The following DDX60L variants were observed in gnomAD, a reference collection of about 807,000 sequenced individuals.
DDX60L encodes the protein DExD/H-box 60 like.
DDX60L carries 191 observed loss-of-function variants against 211.6 expected under a neutral mutation model. The observed-to-expected ratio is 0.90, with a 90% CI of 0.80 to 1.02. The LOEUF is 1.02. Ranked by LOEUF, DDX60L falls within the 50% of genes least tolerant of loss-of-function variation. The pLI is 0.00. For missense variants in DDX60L, 2,007 were observed against 1,984.1 expected (o/e 1.01, Z -0.22); for synonymous variants, 706 against 694.1 (o/e 1.02, Z -0.27).
intron 29 of DDX60L, chr4:168,390,182 T>C (rs1994530): frequency 0.17 from 167,998 of 1,000,688 alleles, 14,964 homozygotes; most frequent in Middle Eastern, 0.19. Context: ...TCCACTCTCA[T>C]TGTGGTCCAT....
At chr4:168,440,862 C>A (rs1364692226) in intron 10 of DDX60L, among the ~76,000 whole-genome samples, 1 of 152,144 alleles carries the variant, frequency 6.6e-6, no homozygotes, top group Non-Finnish European at 1.5e-5. Context: ...CAGTTCACAG[C>A]AATAACTTTT....
At chr4:168,360,280 T>C (rs994328856) in intron 37 of DDX60L, among the ~76,000 whole-genome samples, 1 of 152,186 alleles carries the variant, frequency 6.6e-6, no homozygotes, top group Non-Finnish European at 1.5e-5. Flanking sequence ...CTGTTTAAAC[T>C]CTTGAGATAC....
At chr4:168,408,045 A>G (rs1748061607) in intron 22 of DDX60L, among the ~76,000 whole-genome samples, 1 of 152,216 alleles carries the variant, frequency 6.6e-6, no homozygotes, top group Non-Finnish European at 1.5e-5. Context: ...ATTATCTCAG[A>G]AGGTGAGGAT....
chr4:168,359,221 T>C (rs914417792), intron 37 of DDX60L, among the ~76,000 whole-genome samples: 7 of 152,228 alleles, frequency 4.6e-5, no homozygotes, highest in African/African-American at 1.7e-4. Context: ...GGCTGAATAT[T>C]AGGAATGATC....
In DDX60L at chr4:168,373,741, TCTTC is replaced by T; in HGVS notation, c.4697_4700del (p.Gly1566GlufsTer2). ...GACAAACAAATGGTGAAATGGCTACTCTTCCTTTCTTGCAGCTCATCAAGTGAGA... is the reference window on the plus strand; with the variant it reads ...GACAAACAAATGGTGAAATGGCTACTCTTTCTTGCAGCTCATCAAGTGAGA... On this transcript the variant is annotated frameshift_variant, in exon 35 of 38. Coordinates refer to ENST00000682922, the MANE Select transcript of DDX60L (RefSeq NM_001012967.3). LOFTEE classifies it high-confidence loss of function. The T allele has an allele frequency of 1.2e-6, 2 of 1,614,048 alleles. No individual in the cohort carries two copies. The highest frequency in any genetic ancestry group is 1.7e-6 in the Non-Finnish European group (2 of 1,179,912).
intron 17 of DDX60L, among the ~76,000 whole-genome samples, chr4:168,420,662 TAGATAGATAGATAGATAGATAGACAGAC>T (rs2149873493): frequency 7.3e-6 from 1 of 136,970 alleles, no homozygotes; most frequent in East Asian, 2.0e-4. Context: ...GATAGATAGA[TAGATAGATAGATAGATAGATAGACAGAC>T]AGACAGACAG....
Position 168,379,714 on chromosome 4 carries a change from G to T in DDX60L, c.4221+12C>A. ...TAGTTACAGAGAACAAAAAGCCAAA[G>T]CACGATGATACCTCTTTGATAAGGA... On this transcript the variant is annotated intron_variant, in intron 31 of 37. Transcript: ENST00000682922. 6.2e-7 allele frequency: 1 copy of T among 1,603,482 alleles called. No homozygotes were observed. Among genetic ancestry groups the T allele is most frequent in the Non-Finnish European group, 8.5e-7 (1 of 1,171,766 alleles).
At chr4:168,406,326 T>C (rs925778364) in intron 23 of DDX60L, among the ~76,000 whole-genome samples, 2 of 152,054 alleles carry the variant, frequency 1.3e-5, no homozygotes, top group Non-Finnish European at 1.5e-5. Context: ...GAGAAGAGAA[T>C]AGAGGAATAT....
intron 22 of DDX60L, among the ~76,000 whole-genome samples, chr4:168,412,545 C>T (rs547268361): frequency 1.3e-5 from 2 of 150,750 alleles, no homozygotes; most frequent in South Asian, 4.2e-4. Context: ...GATCCTGACT[C>T]CAAGCCCTGG....
At chr4:168,446,393 A>C (rs1381340344) in intron 9 of DDX60L, among the ~76,000 whole-genome samples, 1 of 152,228 alleles carries the variant, frequency 6.6e-6, no homozygotes, top group African/African-American at 2.4e-5. Flanking sequence ...ATACAAACAA[A>C]TGGAAGAACA....
rs1245173248 is a variant in DDX60L, at chr4:168,441,352, T to C, written c.1279A>G (p.Lys427Glu). The C allele has an allele frequency of 6.2e-7, 1 of 1,607,258 alleles. No individual in the cohort carries two copies. The highest frequency in any genetic ancestry group is 1.3e-5 in the African/African-American group (1 of 74,736). ...TTRRHFLRQEKSVIQEISLEK... is the reference protein window; with the variant it reads ...TTRRHFLRQEESVIQEISLEK... The stretch of plus-strand genomic sequence containing the variant: ...CATTTAGTACCTTGAATGACCGATT[T>C]CTCTTGTCTAAGAAAATGTCTTCTT... The change falls in exon 10 of 38, where the codon AAA becomes GAA. Residue 427 changes from lysine to glutamate, a missense_variant. Transcript: ENST00000682922.
chr4:168,448,622 C>G lies in DDX60L; in HGVS notation c.1138+16G>C. 1 of 1,492,268 alleles carries G rather than the reference C, an allele frequency of 6.7e-7. No homozygotes were observed. Among genetic ancestry groups the G allele is most frequent in the Non-Finnish European group, 9.1e-7 (1 of 1,095,734 alleles). The allele number at this position is 1,492,268 out of a possible 1,614,324, so 92.4% of individuals were successfully genotyped here. The stretch of plus-strand genomic sequence containing the variant: ...ATTTGTTCATGATATAATGTTAATG[C>G]ATATTCAGGTACTACCTTGAGTACT... On this transcript the variant is annotated intron_variant, in intron 9 of 37. Coordinates refer to ENST00000682922, the MANE Select transcript of DDX60L (RefSeq NM_001012967.3).
At position 168,405,975 on chromosome 4, in the gene DDX60L, C is replaced by G. The variant is rs1182298198; in HGVS notation, c.3188G>C (p.Trp1063Ser). Residue 1063 changes from tryptophan (W) to serine (S), a missense_variant, in exon 24 of 38, where the codon TGG becomes TCG. Trp to Ser is a radical substitution (Grantham distance 177). Coordinates refer to ENST00000682922, the MANE Select transcript of DDX60L (RefSeq NM_001012967.3). ...CTTCTTCACTTGGCCATTTTTAATCCAATTTGTCAATTCTGCCTTTAAGTT... is the reference window on the plus strand; with the variant it reads ...CTTCTTCACTTGGCCATTTTTAATCGAATTTGTCAATTCTGCCTTTAAGTT... ...EENLKAELTNWIKNGQVKKVK... is the reference protein window; with the variant it reads ...EENLKAELTNSIKNGQVKKVK... 1.3e-6 allele frequency: 2 copies of G among 1,583,940 alleles called. No homozygotes were observed.
At chr4:168,420,613 T>TAC (rs200084305) in intron 17 of DDX60L, among the ~76,000 whole-genome samples, 10,839 of 112,080 alleles carry the variant, frequency 0.097, 474 homozygotes, top group East Asian at 0.23. Flanking sequence ...CACACACACA[T>TAC]ACACACACAC....
chr4:168,416,979 C>T (rs142931405), intron 19 of DDX60L, among the ~76,000 whole-genome samples, 182 bp from the exon 20 acceptor site: 3 of 152,160 alleles, frequency 2.0e-5, no homozygotes, highest in Admixed American at 6.5e-5. Flanking sequence ...ATCTCCATAT[C>T]GAAACCATTA....
chr4:168,436,864 A>AAT (rs1753104484), intron 10 of DDX60L, among the ~76,000 whole-genome samples: 1 of 152,090 alleles, frequency 6.6e-6, no homozygotes, highest in African/African-American at 2.4e-5. Context: ...TGCCATTTTG[A>AAT]GCTCCTTGTA....
At chr4:168,457,581 A>G (rs1756762791) in intron 6 of DDX60L, among the ~76,000 whole-genome samples, 1 of 152,304 alleles carries the variant, frequency 6.6e-6, no homozygotes, top group Non-Finnish European at 1.5e-5. Context: ...ATGGCAAATG[A>G]TATCTTAGAG....
At chr4:168,442,273 C>T (rs1468169370) in intron 9 of DDX60L, among the ~76,000 whole-genome samples, 1 of 152,182 alleles carries the variant, frequency 6.6e-6, no homozygotes, top group African/African-American at 2.4e-5. Context: ...GTCACTCCCA[C>T]CAGAATACTG....
intron 8 of DDX60L, among the ~76,000 whole-genome samples, chr4:168,452,870 T>A (rs945571003): frequency 2.0e-5 from 3 of 152,172 alleles, no homozygotes; most frequent in African/African-American, 7.2e-5. Flanking sequence ...TGTCAATCAA[T>A]TTTCTATGAT....
Sources: gnomAD v4.1 joint callset for allele counts (sites outside exome capture counted in the v4.1 genomes callset) on GRCh38, gnomAD v4.1.1 for gene constraint, MANE v1.5 for transcripts, NCBI Gene and HGNC (gene_info 2026-07-23, HGNC 2026-07-21) for gene names.